Variants in SYT2 observed in about 807,000 individuals in gnomAD.
SYT2 encodes synaptotagmin-2.
Under a neutral mutation model 39.9 loss-of-function variants are expected in SYT2, and 15 were observed. That is an observed-to-expected ratio of 0.38 (90% CI 0.25 to 0.58). SYT2 has a LOEUF of 0.58. Among genes scored for constraint, SYT2 ranks in the 20% least tolerant of loss-of-function variants. The pLI is 0.70. For missense variants in SYT2, 389 were observed against 530.3 expected (o/e 0.73, Z 2.62); for synonymous variants, 181 against 204.5 (o/e 0.89, Z 0.98).
chr1:202,678,095 G>A (rs189800951), intron 1 of SYT2, among the ~76,000 whole-genome samples: 66 of 152,016 alleles, frequency 4.3e-4, no homozygotes, highest in African/African-American at 1.4e-3. Context: ...CCAATGTGGC[G>A]AAACCTTGTC....
chr1:202,684,155 C>T (rs950594511), intron 1 of SYT2, among the ~76,000 whole-genome samples: 2 of 152,072 alleles, frequency 1.3e-5, no homozygotes, highest in Admixed American at 6.6e-5. Flanking sequence ...ATTAGCCTAC[C>T]TGTCCCCTTC....
chr1:202,629,878 G>GGC (rs567102569), intron 1 of SYT2, among the ~76,000 whole-genome samples: 11,628 of 119,382 alleles, frequency 0.097, 2,190 homozygotes, highest in East Asian at 0.44. Context: ...GGGGGGGGGG[G>GGC]GGTGGTACGG....
At chr1:202,600,604 T>C in intron 6 of SYT2, 130 bp from the exon 7 acceptor site, 2 of 754,104 alleles carry the variant, frequency 2.7e-6, no homozygotes, top group Non-Finnish European at 4.5e-6. Flanking sequence ...AGTCCCCATA[T>C]ATGTGATGGC....
chr1:202,698,624 C>T (rs1208230359), intron 1 of SYT2, among the ~76,000 whole-genome samples: 1 of 152,170 alleles, frequency 6.6e-6, no homozygotes, highest in Non-Finnish European at 1.5e-5. Flanking sequence ...AGTCCAGACT[C>T]TCCATCCAGC....
At chr1:202,697,575 T>A (rs1654005866) in intron 1 of SYT2, among the ~76,000 whole-genome samples, 1 of 152,244 alleles carries the variant, frequency 6.6e-6, no homozygotes, top group Admixed American at 6.5e-5. Flanking sequence ...AAGGGGCTGT[T>A]TGAGGAATCT....
intron 1 of SYT2, among the ~76,000 whole-genome samples, chr1:202,648,839 C>T (rs1692139205): frequency 6.6e-6 from 1 of 152,208 alleles, no homozygotes; most frequent in East Asian, 1.9e-4. Context: ...CACAACAGGG[C>T]TTGAGGTCAG....
intron 1 of SYT2, among the ~76,000 whole-genome samples, chr1:202,662,464 A>C (rs770316045): frequency 2.4e-4 from 36 of 152,278 alleles, no homozygotes; most frequent in Non-Finnish European, 2.8e-4. Flanking sequence ...ACTGAGGCCA[A>C]GGGCTCCTCC....
intron 1 of SYT2, among the ~76,000 whole-genome samples, chr1:202,618,907 C>T (rs1691124787): frequency 6.6e-6 from 1 of 152,160 alleles, no homozygotes; most frequent in Non-Finnish European, 1.5e-5. Flanking sequence ...AGAAGGAAAA[C>T]AGCAGGAGCC....
intron 1 of SYT2, among the ~76,000 whole-genome samples, chr1:202,653,767 ACCT>A (rs1692232345): frequency 6.6e-6 from 1 of 152,060 alleles, no homozygotes; most frequent in East Asian, 1.9e-4. Context: ...AACCCGCTGG[ACCT>A]CTGTGGGTCA....
At position 202,601,469 on chromosome 1, in the gene SYT2, T is replaced by C. The variant is rs1690501769; in HGVS notation, c.801+421A>G. Among the ~76,000 whole-genome samples, 1 of 152,220 alleles carries C rather than the reference T, an allele frequency of 6.6e-6. No individual in the cohort carries two copies. Among genetic ancestry groups the C allele is most frequent in the Non-Finnish European group, 1.5e-5 (1 of 68,036 alleles). Reference sequence around the variant, plus strand: ...ATATTTAGTGAGTGAATGGATGCTGTAGCAGTTCTGGGAGGACAAGTCCCT... The same window carrying C: ...ATATTTAGTGAGTGAATGGATGCTGCAGCAGTTCTGGGAGGACAAGTCCCT... On this transcript the variant is annotated intron_variant, in intron 6 of 8. Coordinates refer to ENST00000367268, the MANE Select transcript of SYT2 (RefSeq NM_177402.5). The surrounding 1 kb of genome is among the most constrained non-coding windows in gnomAD (Gnocchi z 4.0).
chr1:202,635,403 G>A (rs2149093345), intron 1 of SYT2, among the ~76,000 whole-genome samples: 1 of 152,342 alleles, frequency 6.6e-6, no homozygotes, highest in East Asian at 1.9e-4. Flanking sequence ...CAGGAGCAGG[G>A]TCACGGGAGA....
Position 202,707,717 on chromosome 1 carries a change from G to A in SYT2, c.-18+2541C>T, listed in dbSNP as rs149148303. ...TCTATCTACTCTCCCCTGAGAGGGC[G>A]GCACAGGCCTGGCGGGGAAGAAAAA... On this transcript the variant is annotated intron_variant, in intron 1 of 8. Transcript: ENST00000367268. Among the ~76,000 whole-genome samples, 54 of 152,344 alleles carry A rather than the reference G, an allele frequency of 3.5e-4. No individual in the cohort carries two copies. In the East Asian group the frequency reaches 7.3e-3, roughly 21 times the overall value.
chr1:202,599,394 C>T lies in SYT2; in HGVS notation c.920-43G>A. On this transcript the variant is annotated intron_variant, in intron 7 of 8. Coordinates refer to ENST00000367268, the MANE Select transcript of SYT2 (RefSeq NM_177402.5). This position sits in a 1 kb window ranked among gnomAD's most constrained non-coding sequence, Gnocchi z 4.4. ...CAACCCCAGAGAGGTTCCCCTTAGC[C>T]CCCAGCCTTCCTGCCGAATGTACCA... 3 of 1,553,238 alleles carry T rather than the reference C, an allele frequency of 1.9e-6. No individual in the cohort carries two copies. In the East Asian group the frequency reaches 7.1e-5, roughly 37 times the overall value.
intron 1 of SYT2, among the ~76,000 whole-genome samples, chr1:202,667,369 G>A (rs1692498668): frequency 6.6e-6 from 1 of 152,162 alleles, no homozygotes; most frequent in African/African-American, 2.4e-5. Context: ...GCCTGCCTGT[G>A]GCTGAACCTA....
chr1:202,620,806 G>GCACACT (rs200500914), intron 1 of SYT2, among the ~76,000 whole-genome samples: 2 of 152,066 alleles, frequency 1.3e-5, no homozygotes, highest in Non-Finnish European at 2.9e-5. Flanking sequence ...AGACGACCTC[G>GCACACT]CACACTCACA....
At position 202,601,744 on chromosome 1, in the gene SYT2, G is replaced by T; in HGVS notation, c.801+146C>A. ...CCAGAGAGTGTAAGCAACTTGCCCA[G>T]GGTCACACAGCCAGGCAGTGTGGAG... On this transcript the variant is annotated intron_variant, in intron 6 of 8. Transcript: ENST00000367268. The surrounding 1 kb of genome is among the most constrained non-coding windows in gnomAD (Gnocchi z 4.0). The T allele has an allele frequency of 1.2e-6, 1 of 841,630 alleles. No individual in the cohort carries two copies. The highest frequency in any genetic ancestry group is 1.9e-6 in the Non-Finnish European group (1 of 533,750). The allele number at this position is 841,630 out of a possible 1,614,324, so 52.1% of individuals were successfully genotyped here. A position where few individuals can be genotyped will look rare whatever the true frequency, so the allele number is the denominator to read the frequency against.
At chr1:202,703,234 C>T (rs1321704999) in intron 1 of SYT2, among the ~76,000 whole-genome samples, 2 of 152,152 alleles carry the variant, frequency 1.3e-5, no homozygotes, top group African/African-American at 2.4e-5. Context: ...ATGAGCACCA[C>T]CTCTTTGACG....
chr1:202,693,840 G>C (rs1653905964), intron 1 of SYT2, among the ~76,000 whole-genome samples: 1 of 152,168 alleles, frequency 6.6e-6, no homozygotes, highest in Non-Finnish European at 1.5e-5. Flanking sequence ...TGTTTAATTG[G>C]CTCATGGTGC....
intron 1 of SYT2, among the ~76,000 whole-genome samples, chr1:202,641,853 C>A (rs2149097467): frequency 6.6e-6 from 1 of 152,316 alleles, no homozygotes; most frequent in Admixed American, 6.5e-5. Context: ...CTGCCCTCTG[C>A]AAAGAGGATG....
Sources: allele counts gnomAD v4.1 joint callset (sites outside exome capture counted in the v4.1 genomes callset), GRCh38; gene constraint gnomAD v4.1.1; non-coding constraint Gnocchi (gnomAD v3.1); transcripts MANE v1.5; gene names NCBI Gene and HGNC (gene_info 2026-07-23, HGNC 2026-07-21).